Variants in DDX19A observed in about 807,000 individuals in gnomAD.
DDX19A encodes ATP-dependent RNA helicase DDX19A.
In DDX19A, 12 loss-of-function variants were observed where a neutral mutation model predicts 60.6. The observed-to-expected ratio is 0.20, with a 90% CI of 0.13 to 0.32. The LOEUF is 0.32. DDX19A is among the 10% of genes least tolerant of loss of function. The pLI, the probability that DDX19A is intolerant of heterozygous loss-of-function variation, is 1.00. For missense variants in DDX19A, 337 were observed against 600.6 expected, an observed-to-expected ratio of 0.56 and a Z score of 4.59; for synonymous variants, 206 against 218.2, an observed-to-expected ratio of 0.94 and a Z score of 0.49.
chr16:70,356,546 C>T (rs1034887766), intron 4 of DDX19A, among the ~76,000 whole-genome samples: 17 of 151,834 alleles, frequency 1.1e-4, no homozygotes, highest in African/African-American at 1.7e-4. Flanking sequence ...TTAGTAGAGA[C>T]GGGGTTTCAC....
intron 5 of DDX19A, among the ~76,000 whole-genome samples, chr16:70,362,560 A>G (rs1964397881): frequency 6.6e-6 from 1 of 152,048 alleles, no homozygotes; most frequent in Admixed American, 6.6e-5. Flanking sequence ...CTCCTTCCAC[A>G]TCCTTCTCCC....
chr16:70,371,162 A>G (rs1964675759), intron 10 of DDX19A: 6 of 807,120 alleles, frequency 7.4e-6, no homozygotes, highest in Non-Finnish European at 1.2e-5. Flanking sequence ...GACTGATCTC[A>G]TGATTTTGTT....
chr16:70,350,603 A>T lies in DDX19A; in HGVS notation c.104A>T (p.Asn35Ile). 1 of 1,610,708 alleles carries T rather than the reference A, an allele frequency of 6.2e-7. No individual in the cohort carries two copies. Among genetic ancestry groups the T allele is most frequent in the Non-Finnish European group, 8.5e-7 (1 of 1,178,050 alleles). Residue 35 changes from asparagine (N) to isoleucine (I), a missense_variant and splice_region_variant, in exon 2 of 12, where the codon AAT (asparagine) becomes ATT (isoleucine). Asn to Ile is a moderately radical substitution (Grantham distance 149). This residue lies in a region of DDX19A where 127 missense variants were observed against 160.3 expected (regional missense o/e 0.79). Transcript: ENST00000302243. ...GAAGAGAAAGTCAAAGCAGATACCA[A>T]TGGTGAGTCACTAGTAACTACAAGC... ...IKEEKVKADT[N>I]GIIKTSTTAE...
At position 70,366,088 on chromosome 16, in the gene DDX19A, A is replaced by G. The variant is rs1964510765; in HGVS notation, c.608A>G (p.Glu203Gly). The G allele has an allele frequency of 6.2e-7, 1 of 1,614,042 alleles. No homozygotes were observed. The highest frequency in any genetic ancestry group is 8.5e-7 in the Non-Finnish European group (1 of 1,180,036). Residue 203 changes from glutamate (E) to glycine (G), a missense_variant, in exon 8 of 12, where the codon GAA becomes GGA. By Grantham distance (98) the Glu-to-Gly change is moderately conservative (BLOSUM62 -2). Around this residue, in one of 6 missense-constraint regions of DDX19A, gnomAD observed 62 missense variants for 75.7 expected, o/e 0.82. Transcript: ENST00000302243. ...LAYAVRGNKLERGQKISEQIV... is the reference protein window; with the variant it reads ...LAYAVRGNKLGRGQKISEQIV... ...AAAATCACCTGGGTCTCCACAGTGG[A>G]AAGAGGCCAGAAGATCAGTGAGCAG...
At chr16:70,369,729 G>A (rs1018754324) in intron 9 of DDX19A, among the ~76,000 whole-genome samples, 1 of 148,690 alleles carries the variant, frequency 6.7e-6, no homozygotes, top group African/African-American at 2.5e-5. Flanking sequence ...CGATTCTCCT[G>A]CCTCAGCTCC....
chr16:70,356,089 A>T (rs759029109), intron 3 of DDX19A, 23 bp from the exon 4 acceptor site: 1 of 1,612,894 alleles, frequency 6.2e-7, no homozygotes, highest in Non-Finnish European at 8.5e-7. Flanking sequence ...GAGTATGAAG[A>T]TCTACTGGTT....
In DDX19A at chr16:70,361,239, A is replaced by C. The variant is rs576933836; in HGVS notation, c.294-179A>C. ...AGTTGCAGATTAAGATTCCTTAGGGAAGGGCGGTAGCTTGGTTTGATTTGG... is the reference window on the plus strand; with the variant it reads ...AGTTGCAGATTAAGATTCCTTAGGGCAGGGCGGTAGCTTGGTTTGATTTGG... On this transcript the variant is annotated intron_variant, in intron 4 of 11. Transcript: ENST00000302243. Among the ~76,000 whole-genome samples the C allele has an allele frequency of 3.9e-5, 6 of 152,314 alleles. No homozygotes were observed. The South Asian group carries it at 1.2e-3, about 32-fold the overall frequency.
intron 10 of DDX19A, 160 bp from the exon 11 acceptor site, chr16:70,371,212 T>C (rs1964677654): frequency 7.9e-7 from 1 of 1,262,362 alleles, no homozygotes; most frequent in South Asian, 1.5e-5. Context: ...CTGGGTTCTG[T>C]TGCCTGCCTA....
chr16:70,351,172 G>A (rs1034537367), intron 2 of DDX19A, among the ~76,000 whole-genome samples: 1 of 150,910 alleles, frequency 6.6e-6, no homozygotes, highest in African/African-American at 2.4e-5. Context: ...GTGAGCCACT[G>A]TGCCCGGCCT....
intron 4 of DDX19A, among the ~76,000 whole-genome samples, chr16:70,360,199 T>C (rs1964325356): frequency 6.6e-6 from 1 of 151,884 alleles, no homozygotes; most frequent in Non-Finnish European, 1.5e-5. Context: ...GAGACTCGCT[T>C]GAACCCAGGA....
intron 4 of DDX19A, among the ~76,000 whole-genome samples, chr16:70,356,542 G>C (rs558162418): frequency 4.5e-4 from 69 of 151,994 alleles, no homozygotes; most frequent in African/African-American, 1.6e-3. Context: ...ATTTTTAGTA[G>C]AGACGGGGTT....
chr16:70,366,912 C>T (rs1300068482), intron 9 of DDX19A, 51 bp downstream of exon 9: 1 of 1,606,604 alleles, frequency 6.2e-7, no homozygotes, highest in East Asian at 2.2e-5. Context: ...CAGCCAGCTC[C>T]CCACAGGGCT....
rs901547101 is a variant in DDX19A at position 70,355,494 on chromosome 16, A to C, written c.116A>C (p.Lys39Thr). ...KVKADTNGIIKTSTTAEKTDE... is the reference protein window; with the variant it reads ...KVKADTNGIITTSTTAEKTDE... ...TTGTTTTCTTGTGTAGGTATTATCA[A>C]AACCAGTACCACTGCCGAGAAAACA... The change falls in exon 3 of 12, where the codon AAA becomes ACA. Residue 39 changes from lysine to threonine, a missense_variant. By Grantham distance (78) the Lys-to-Thr change is moderately conservative. Coordinates refer to ENST00000302243, the MANE Select transcript of DDX19A (RefSeq NM_018332.5). The C allele has an allele frequency of 6.2e-7, 1 of 1,613,842 alleles. No homozygotes were observed. Among genetic ancestry groups the C allele is most frequent in the Non-Finnish European group, 8.5e-7 (1 of 1,179,718 alleles).
At chr16:70,360,441 C>A (rs1008161858) in intron 4 of DDX19A, among the ~76,000 whole-genome samples, 1 of 151,590 alleles carries the variant, frequency 6.6e-6, no homozygotes, top group African/African-American at 2.4e-5. Context: ...CTGCCTCAAT[C>A]TCCCAAGTAG....
intron 5 of DDX19A, among the ~76,000 whole-genome samples, chr16:70,361,971 G>C (rs1239429516): frequency 2.0e-5 from 3 of 151,138 alleles, no homozygotes; most frequent in Non-Finnish European, 2.9e-5. Context: ...AGTAATTCGA[G>C]ACCAGCCTGG....
chr16:70,347,292 A>T, intron 1 of DDX19A: 3 of 561,960 alleles, frequency 5.3e-6, no homozygotes, highest in Non-Finnish European at 9.6e-6. Flanking sequence ...GCATGCTGTC[A>T]TTCCTCTATT....
intron 9 of DDX19A, among the ~76,000 whole-genome samples, chr16:70,369,660 C>G (rs1964624940): frequency 1.3e-5 from 2 of 149,726 alleles, no homozygotes; most frequent in Admixed American, 1.3e-4. Flanking sequence ...GCTCCGTCAC[C>G]CAGGCTGGAG....
rs1387824087 is a variant in DDX19A, at chr16:70,373,165, A to G, written c.*1179A>G. ...GTAGGAGGATCGCTTGAGCCTGGGTAGAGGCTGCTGTGAGCTGAAATGGCG... is the reference window on the plus strand; with the variant it reads ...GTAGGAGGATCGCTTGAGCCTGGGTGGAGGCTGCTGTGAGCTGAAATGGCG... On this transcript the variant is annotated 3_prime_UTR_variant, in exon 12 of 12. Coordinates refer to ENST00000302243, the MANE Select transcript of DDX19A (RefSeq NM_018332.5). 1 of 152,146 alleles carries G rather than the reference A, an allele frequency of 6.6e-6. No individual in the cohort carries two copies. Among genetic ancestry groups the G allele is most frequent in the African/African-American group, 2.4e-5 (1 of 41,452 alleles). The allele number at this position is 152,146 out of a possible 1,614,324, so 9.4% of individuals were successfully genotyped here.
intron 11 of DDX19A, 120 bp from the exon 12 acceptor site, chr16:70,371,805 A>G (rs1208930579): frequency 1.4e-6 from 2 of 1,441,664 alleles, no homozygotes; most frequent in East Asian, 2.3e-5. Context: ...GTCAGTGACT[A>G]GGGGCCCTGC....
Sources: gnomAD v4.1 joint callset for allele counts (sites outside exome capture counted in the v4.1 genomes callset) on GRCh38, gnomAD v4.1.1 for gene constraint, gnomAD v4.1.1 regional missense constraint, MANE v1.5 for transcripts, NCBI Gene and HGNC (gene_info 2026-07-23, HGNC 2026-07-21) for gene names.